Variants in UBL7 observed in about 807,000 individuals in gnomAD.
UBL7 encodes the protein ubiquitin like 7.
Under a neutral mutation model 41.7 loss-of-function variants are expected in UBL7, and 21 were observed. The ratio of observed to expected loss-of-function variants is 0.50; its 90% confidence interval spans 0.36 to 0.73. UBL7 has a LOEUF of 0.73. Among genes scored for constraint, UBL7 ranks in the 30% least tolerant of loss-of-function variants. UBL7 has a pLI of 0.00. For missense variants in UBL7, 403 were observed against 478.4 expected, an observed-to-expected ratio of 0.84 and a Z score of 1.47; for synonymous variants, 157 against 186.9, an observed-to-expected ratio of 0.84 and a Z score of 1.31.
chr15:74,459,050 C>G, intron 1 of UBL7, 154 bp from the exon 2 acceptor site: 4 of 662,202 alleles, frequency 6.0e-6, no homozygotes, highest in South Asian at 1.9e-5. Flanking sequence ...ATCTGGGGTT[C>G]TCTCTCTACT....
At chr15:74,456,471 C>G (rs2061295458) in intron 3 of UBL7, 81 bp downstream of exon 3, 1 of 1,565,266 alleles carries the variant, frequency 6.4e-7, no homozygotes, top group Non-Finnish European at 8.7e-7. Context: ...TCCACCCAGG[C>G]TTGTGCCTCA....
Position 74,446,841 on chromosome 15 carries a change from C to G in UBL7, c.1006-614G>C, listed in dbSNP as rs544561805. Among the ~76,000 whole-genome samples, 4 of 152,290 alleles carry G rather than the reference C, an allele frequency of 2.6e-5. No homozygotes were observed. In the South Asian group the frequency reaches 6.2e-4, roughly 24 times the overall value. On this transcript the variant is annotated intron_variant, in intron 10 of 10. Transcript: ENST00000395081. This position sits in a 1 kb window ranked among gnomAD's most constrained non-coding sequence, Gnocchi z 4.1. ...TACTATAAGGATTTGAAGAAATTCA[C>G]CCATATTTTCTTCTAGTACTTTCAT...
At position 74,450,059 on chromosome 15, in the gene UBL7, C is replaced by G. The variant is rs1221804485; in HGVS notation, c.541G>C (p.Ala181Pro). The G allele has an allele frequency of 1.2e-6, 2 of 1,613,040 alleles. No homozygotes were observed. The highest frequency in any genetic ancestry group is 4.5e-5 in the East Asian group (2 of 44,870). ...ATGGCATTGACGAGGGCTGGGTGAG[C>G]AGGCACCAACCTAGGATAGAAGCAG... Reference protein sequence around the residue: ...DPNMLDTLVPAHPALVNAIVL... With the variant: ...DPNMLDTLVPPHPALVNAIVL... Residue 181 changes from alanine to proline, a missense_variant, in exon 7 of 11, where the codon GCT becomes CCT. Coordinates refer to ENST00000395081, the MANE Select transcript of UBL7 (RefSeq NM_032907.5).
At chr15:74,454,334 CA>C (rs2061275199) in intron 3 of UBL7, among the ~76,000 whole-genome samples, 1 of 152,002 alleles carries the variant, frequency 6.6e-6, no homozygotes, top group Non-Finnish European at 1.5e-5. Flanking sequence ...GTTTACTGCT[CA>C]GTACAGAGAG....
At chr15:74,452,252 A>G (rs1402281836) in intron 4 of UBL7, 44 bp downstream of exon 4, 2 of 1,531,992 alleles carry the variant, frequency 1.3e-6, no homozygotes, top group Admixed American at 2.0e-5. Flanking sequence ...CAGCGTTCAC[A>G]CCCTCTCCTA....
chr15:74,450,928 C>T (rs2061239441), intron 5 of UBL7, 69 bp from the exon 6 acceptor site: 6 of 1,540,414 alleles, frequency 3.9e-6, no homozygotes, highest in Non-Finnish European at 4.5e-6. Context: ...AGAGGCTTTG[C>T]GTCTCAGAGC....
At chr15:74,460,396 TAAGTACACACTCATAACAA>T (rs2141332363) in intron 1 of UBL7, among the ~76,000 whole-genome samples, 1 of 152,312 alleles carries the variant, frequency 6.6e-6, no homozygotes, top group East Asian at 1.9e-4. Context: ...CCACAACATG[TAAGTACACACTCATAACAA>T]AGCTCTCCCC....
chr15:74,454,800 G>A (rs752870720), intron 3 of UBL7, among the ~76,000 whole-genome samples: 11 of 152,204 alleles, frequency 7.2e-5, no homozygotes, highest in Non-Finnish European at 1.0e-4. Flanking sequence ...GGCAGTGGGA[G>A]TGATTTTATA....
chr15:74,449,056 C>T, intron 9 of UBL7, 130 bp downstream of exon 9: 1 of 1,150,320 alleles, frequency 8.7e-7, no homozygotes, highest in East Asian at 2.6e-5. Context: ...GTAAGAAATC[C>T]CCACCAGGAC....
chr15:74,453,784 C>T (rs2061271256), intron 3 of UBL7, among the ~76,000 whole-genome samples: 1 of 152,178 alleles, frequency 6.6e-6, no homozygotes, highest in Non-Finnish European at 1.5e-5. Flanking sequence ...TGGGAGAACA[C>T]AAAATGTGAT....
At chr15:74,450,260 T>C (rs963604365) in intron 6 of UBL7, among the ~76,000 whole-genome samples, 191 bp from the exon 7 acceptor site, 1 of 152,116 alleles carries the variant, frequency 6.6e-6, no homozygotes. Context: ...GTGCAAGGCC[T>C]TCAAATTCCT....
chr15:74,460,819 G>A (rs2061342309), intron 1 of UBL7: 1 of 1,240,214 alleles, frequency 8.1e-7, no homozygotes, highest in South Asian at 1.4e-5. Context: ...AAGCTGCCTA[G>A]CAGACCTTCA....
At chr15:74,460,791 AG>A in intron 1 of UBL7, 1 of 1,264,326 alleles carries the variant, frequency 7.9e-7, no homozygotes, top group South Asian at 1.3e-5. Context: ...GATAGAGAAG[AG>A]GAAAGAAAAG....
At position 74,452,280 on chromosome 15, in the gene UBL7, C is replaced by T. The variant is rs541552482; in HGVS notation, c.387+16G>A. On this transcript the variant is annotated intron_variant, in intron 4 of 10. Coordinates refer to ENST00000395081, the MANE Select transcript of UBL7 (RefSeq NM_032907.5). ...CTCTCCTACAGTCCTGGCTGGGGGC[C>T]GCAGCACACACTCACCGCCTCCCTG... The T allele has an allele frequency of 4.6e-5, 72 of 1,551,510 alleles. No individual in the cohort carries two copies. The East Asian group carries it at 6.3e-4, about 14-fold the overall frequency.
chr15:74,455,002 A>G (rs745401143), intron 3 of UBL7, among the ~76,000 whole-genome samples: 16 of 152,098 alleles, frequency 1.1e-4, no homozygotes, highest in Non-Finnish European at 2.1e-4. Flanking sequence ...TTTTGTCTTA[A>G]TCCATAGTGG....
At chr15:74,456,798 A>G in intron 2 of UBL7, 127 bp from the exon 3 acceptor site, 13 of 1,169,156 alleles carry the variant, frequency 1.1e-5, no homozygotes, top group Non-Finnish European at 1.4e-5. Flanking sequence ...CTCTTATTCA[A>G]TAACTTAACA....
intron 3 of UBL7, among the ~76,000 whole-genome samples, chr15:74,455,887 G>A (rs1193258186): frequency 1.3e-5 from 2 of 152,122 alleles, no homozygotes; most frequent in Non-Finnish European, 2.9e-5. Context: ...CACTTTGGGA[G>A]GCCGAGGCGG....
At position 74,458,863 on chromosome 15, in the gene UBL7, G is replaced by C; in HGVS notation, c.5C>G (p.Ser2Cys). 1 of 1,610,532 alleles carries C rather than the reference G, an allele frequency of 6.2e-7. No homozygotes were observed. Among genetic ancestry groups the C allele is most frequent in the Non-Finnish European group, 8.5e-7 (1 of 1,180,028 alleles). Reference sequence around the variant, plus strand: ...CACCGCCAGGTGCCAGTCTGAGAGAGACATCCTCTCTCTTTCGCGCTCTCT... The same window carrying C: ...CACCGCCAGGTGCCAGTCTGAGAGACACATCCTCTCTCTTTCGCGCTCTCT... The part of the protein sequence containing the change: M[S>C]LSDWHLAVKL... The change falls in exon 2 of 11, where the codon TCT (serine) becomes TGT (cysteine). Residue 2 changes from serine to cysteine, a missense_variant. Ser to Cys is a moderately radical substitution (Grantham distance 112). Transcript: ENST00000395081.
intron 10 of UBL7, 37 bp downstream of exon 10, chr15:74,448,441 G>A: frequency 6.2e-7 from 1 of 1,610,874 alleles, no homozygotes; most frequent in Non-Finnish European, 8.5e-7. Context: ...AAATAACAAG[G>A]AAGCCACATG....
Sources: gnomAD v4.1 joint callset for allele counts (sites outside exome capture counted in the v4.1 genomes callset) on GRCh38, gnomAD v4.1.1 for gene constraint, Gnocchi (gnomAD v3.1) non-coding constraint, MANE v1.5 for transcripts, NCBI Gene and HGNC (gene_info 2026-07-23, HGNC 2026-07-21) for gene names.